The following RAB3GAP2 variants were observed in gnomAD, a reference collection of about 807,000 sequenced individuals.
The protein encoded by RAB3GAP2 is rab3 GTPase-activating protein non-catalytic subunit.
RAB3GAP2 carries 87 observed loss-of-function variants against 185.3 expected under a neutral mutation model. The observed-to-expected ratio is 0.47, with a 90% CI of 0.39 to 0.56. RAB3GAP2 has a LOEUF of 0.56. RAB3GAP2 is among the 20% of genes least tolerant of loss of function. RAB3GAP2 has a pLI of 0.00. For missense variants in RAB3GAP2, 1,492 were observed against 1,638.2 expected, an observed-to-expected ratio of 0.91 and a Z score of 1.54; for synonymous variants, 554 against 576.1, an observed-to-expected ratio of 0.96 and a Z score of 0.55.
intron 2 of RAB3GAP2, chr1:220,219,384 A>G (rs527904291): frequency 1.3e-5 from 2 of 152,336 alleles, no homozygotes; most frequent in African/African-American, 4.8e-5. Context: ...GAATAAGTGG[A>G]TTTTCACTAA....
intron 1 of RAB3GAP2, among the ~76,000 whole-genome samples, chr1:220,244,042 A>C (rs1659752645): frequency 6.6e-6 from 1 of 152,222 alleles, no homozygotes; most frequent in Non-Finnish European, 1.5e-5. Context: ...TCAACATAGT[A>C]CTGGAAGTCC....
chr1:220,209,317 A>G (rs575041596), intron 7 of RAB3GAP2, among the ~76,000 whole-genome samples: 134 of 152,254 alleles, frequency 8.8e-4, no homozygotes, highest in African/African-American at 3.1e-3. Context: ...ACTTTATAAC[A>G]TAAGTTTCTT....
At chr1:220,189,615 G>T in intron 17 of RAB3GAP2, 88 bp downstream of exon 17, 1 of 1,322,774 alleles carries the variant, frequency 7.6e-7, no homozygotes, top group Non-Finnish European at 1.0e-6. Context: ...AGCCTCTCAT[G>T]TTTGGGGGAA....
chr1:220,160,661 T>C (rs184490946), intron 28 of RAB3GAP2, among the ~76,000 whole-genome samples: 1 of 152,348 alleles, frequency 6.6e-6, no homozygotes, highest in East Asian at 1.9e-4. Context: ...GTTCTCTGAA[T>C]CCAACAAGTT....
In RAB3GAP2 at chr1:220,205,460, G is replaced by A. The variant is rs1658947199; in HGVS notation, c.712+447C>T. Among the ~76,000 whole-genome samples the A allele has an allele frequency of 1.3e-5, 2 of 152,190 alleles. 1 individual carries two copies. Among genetic ancestry groups the A allele is most frequent in the South Asian group, 4.2e-4 (2 of 4,814 alleles). On this transcript the variant is annotated intron_variant, in intron 8 of 34. Coordinates refer to ENST00000358951, the MANE Select transcript of RAB3GAP2 (RefSeq NM_012414.4). ...GCACACAGTCATAGCTTTATTCTCA[G>A]GGAGGATGGAAGCAATGTAGAGTCA...
At chr1:220,224,223 C>G (rs1659363275) in intron 2 of RAB3GAP2, among the ~76,000 whole-genome samples, 1 of 152,014 alleles carries the variant, frequency 6.6e-6, no homozygotes, top group African/African-American at 2.4e-5. Flanking sequence ...AAATAACTTG[C>G]CCAGGGTTTC....
chr1:220,191,086 T>TTTC lies in RAB3GAP2; in HGVS notation c.1468_1469insGAA (p.Phe489_Asn490insArg). ...AGCTTACCTGCAGTGCTTCCCCACA[T>TTTC]TGAAAGCTCCTACTCTAGGTCCCTG... is the stretch of plus-strand genomic sequence containing the variant. On this transcript the variant is annotated inframe_insertion, in exon 14 of 35. Transcript: ENST00000358951. The TTTC allele has an allele frequency of 6.2e-7, 1 of 1,613,650 alleles. No homozygotes were observed. The highest frequency in any genetic ancestry group is 8.5e-7 in the Non-Finnish European group (1 of 1,179,788).
At chr1:220,264,888 G>A (rs953273988) in intron 1 of RAB3GAP2, among the ~76,000 whole-genome samples, 2 of 151,976 alleles carry the variant, frequency 1.3e-5, no homozygotes, top group Admixed American at 6.6e-5. Context: ...TTTCACATAC[G>A]TGTCTTCTTT....
chr1:220,249,856 G>A (rs977863676), intron 1 of RAB3GAP2, among the ~76,000 whole-genome samples: 10 of 152,216 alleles, frequency 6.6e-5, no homozygotes, highest in African/African-American at 2.4e-4. Context: ...TGTTGGGCCT[G>A]TGGGTGCATA....
At chr1:220,266,729 T>TAGGCAAG in intron 1 of RAB3GAP2, 1 of 1,584,296 alleles carries the variant, frequency 6.3e-7, no homozygotes, top group Non-Finnish European at 8.7e-7. Flanking sequence ...AGTTGATTCT[T>TAGGCAAG]TGTTTTGGCA....
At chr1:220,196,186 C>T in intron 10 of RAB3GAP2, 64 bp downstream of exon 10, 1 of 1,554,418 alleles carries the variant, frequency 6.4e-7, no homozygotes, top group South Asian at 1.1e-5. Flanking sequence ...TTACCATATC[C>T]AATTTGTAGA....
chr1:220,203,271 T>C (rs1185729479), intron 8 of RAB3GAP2, among the ~76,000 whole-genome samples: 2 of 152,336 alleles, frequency 1.3e-5, no homozygotes, highest in East Asian at 1.9e-4. Flanking sequence ...TCTCTTGCCA[T>C]AGATTCATGT....
chr1:220,220,914 G>C (rs559312063), intron 2 of RAB3GAP2, among the ~76,000 whole-genome samples: 2 of 152,270 alleles, frequency 1.3e-5, no homozygotes, highest in East Asian at 3.9e-4. Flanking sequence ...CCCAGTCTCA[G>C]GTATGTCTTT....
chr1:220,224,005 CA>C (rs1170784100), intron 2 of RAB3GAP2, among the ~76,000 whole-genome samples: 33,519 of 89,902 alleles, frequency 0.37, 3,917 homozygotes, highest in South Asian at 0.47. Flanking sequence ...GACCCTATCT[CA>C]AAAAAAAAAA....
intron 13 of RAB3GAP2, among the ~76,000 whole-genome samples, chr1:220,192,248 T>A (rs1330670112): frequency 6.6e-6 from 1 of 152,240 alleles, no homozygotes; most frequent in Non-Finnish European, 1.5e-5. Context: ...TTTCTACAGA[T>A]ACTGAGACAT....
chr1:220,253,559 A>G (rs923381038), intron 1 of RAB3GAP2: 1 of 1,586,442 alleles, frequency 6.3e-7, no homozygotes, highest in African/African-American at 1.3e-5. Flanking sequence ...GAGGCGGCAA[A>G]TCACTTATAA....
chr1:220,254,240 A>G, intron 1 of RAB3GAP2: 1 of 1,613,586 alleles, frequency 6.2e-7, no homozygotes, highest in Non-Finnish European at 8.5e-7. Context: ...ATAAAAGAAT[A>G]CTTCAACGTA....
At chr1:220,200,624 GT>G (rs751329951) in intron 9 of RAB3GAP2, 4 of 527,718 alleles carry the variant, frequency 7.6e-6, no homozygotes, top group Non-Finnish European at 1.6e-5. Flanking sequence ...ATGTTCCAAA[GT>G]TTAATTAACA....
At chr1:220,213,016 TAA>T (rs1443427469) in intron 3 of RAB3GAP2, 48 bp from the exon 4 acceptor site, 1 of 1,355,416 alleles carries the variant, frequency 7.4e-7, no homozygotes, top group African/African-American at 1.5e-5. Context: ...TATAATACAC[TAA>T]AAGAGTAATT....
Sources: gnomAD v4.1 joint callset for allele counts (sites outside exome capture counted in the v4.1 genomes callset) on GRCh38, gnomAD v4.1.1 for gene constraint, MANE v1.5 for transcripts, NCBI Gene and HGNC (gene_info 2026-07-23, HGNC 2026-07-21) for gene names.